Variants in PCM1 observed in about 807,000 individuals in gnomAD.
PCM1 encodes pericentriolar material 1 protein.
In PCM1, 157 loss-of-function variants were observed where a neutral mutation model predicts 241.9. The observed-to-expected ratio is 0.65, with a 90% CI of 0.57 to 0.74. The LOEUF (loss-of-function observed/expected upper bound fraction) is 0.74, where lower values mean the gene tolerates loss of function less well. Ranked by LOEUF, PCM1 falls within the 30% of genes least tolerant of loss-of-function variation. PCM1 has a pLI of 0.00. For missense variants in PCM1, 3,478 were observed against 2,360.1 expected, an observed-to-expected ratio of 1.47 and a Z score of -9.81; for synonymous variants, 1,085 against 784.9, an observed-to-expected ratio of 1.38 and a Z score of -6.39.
At chr8:17,947,991 TCAC>T (rs1563802462) in intron 7 of PCM1, among the ~76,000 whole-genome samples, 1 of 152,220 alleles carries the variant, frequency 6.6e-6, no homozygotes, top group African/African-American at 2.4e-5. Flanking sequence ...ACGTTTATCA[TCAC>T]CTTCAAACTT....
rs2094378114 is a variant in PCM1 at position 18,028,737 on chromosome 8, A to T, written c.*1075A>T. The T allele has an allele frequency of 1.0e-5, 2 of 197,908 alleles. No individual in the cohort carries two copies. The highest frequency in any genetic ancestry group is 1.0e-5 in the Non-Finnish European group (1 of 95,474). The allele number at this position is 197,908 out of a possible 1,614,324, so 12.3% of individuals were successfully genotyped here. On this transcript the variant is annotated 3_prime_UTR_variant, in exon 39 of 39. Transcript: ENST00000325083. ...AAACCAGTCAACAATGAGTAAGTCAATCTTATAGATTCTTCTTCCTCGAAT... is the reference window on the plus strand; with the variant it reads ...AAACCAGTCAACAATGAGTAAGTCATTCTTATAGATTCTTCTTCCTCGAAT...
Position 17,972,471 on chromosome 8 carries a change from C to G in PCM1, c.3727C>G (p.Gln1243Glu). 6.2e-7 allele frequency: 1 copy of G among 1,613,622 alleles called. No individual in the cohort carries two copies. The highest frequency in any genetic ancestry group is 8.5e-7 in the Non-Finnish European group (1 of 1,179,730). Residue 1243 changes from glutamine to glutamate, a missense_variant, in exon 23 of 39, where the codon CAA becomes GAA. By Grantham distance (29) the Gln-to-Glu change is conservative. Transcript: ENST00000325083. ...ATCTACAAGTAGTAACCGCAAAAAT[C>G]AATTAGATACAAACGGAAGAAGACG... The part of the protein sequence containing the change: ...EKSTSSNRKN[Q>E]LDTNGRRRQF...
intron 36 of PCM1, among the ~76,000 whole-genome samples, chr8:18,018,779 C>T (rs1215554674): frequency 2.0e-5 from 3 of 147,904 alleles, no homozygotes; most frequent in African/African-American, 7.5e-5. Context: ...CCACTGCACT[C>T]CAGCCTGGCC....
In PCM1 at chr8:17,972,566, T is replaced by G. The variant is rs992786095; in HGVS notation, c.3822T>G (p.Thr1274=). Residue 1274 remains threonine, a synonymous_variant, in exon 23 of 39, where the codon ACT becomes ACG. Transcript: ENST00000325083. ...MPDPVDPTTV[T]KTFKTRKASA... ...ATCCAGTAGATCCAACAACAGTGAC[T>G]AAAACATTCAAGACAAGAAAAGCGT... The G allele has an allele frequency of 6.2e-7, 1 of 1,613,670 alleles. No individual in the cohort carries two copies. The highest frequency in any genetic ancestry group is 8.5e-7 in the Non-Finnish European group (1 of 1,179,690).
chr8:18,008,721 G>A (rs994649404), intron 30 of PCM1, among the ~76,000 whole-genome samples: 1 of 152,180 alleles, frequency 6.6e-6, no homozygotes, highest in Admixed American at 6.5e-5. Flanking sequence ...TCTGCCCCCT[G>A]ATCTGACTTA....
chr8:17,961,635 A>T (rs1226499224), intron 15 of PCM1, among the ~76,000 whole-genome samples: 1 of 152,106 alleles, frequency 6.6e-6, no homozygotes, highest in Non-Finnish European at 1.5e-5. Context: ...ATCTTCAGTT[A>T]GGTTGTGTTT....
intron 34 of PCM1, among the ~76,000 whole-genome samples, chr8:18,013,249 T>C (rs2092739868): frequency 6.6e-6 from 1 of 152,164 alleles, no homozygotes; most frequent in Non-Finnish European, 1.5e-5. Context: ...ATGCACTAGA[T>C]TATTCTGTTT....
chr8:17,937,848 C>G (rs2060851546), intron 4 of PCM1, among the ~76,000 whole-genome samples: 1 of 152,086 alleles, frequency 6.6e-6, no homozygotes, highest in African/African-American at 2.4e-5. Context: ...AGATATTTTA[C>G]TCTTAGATCT....
chr8:17,946,832 AGTGTGTGTGTGTGTGTGTGTGTGTGT>A (rs368892136), intron 6 of PCM1, among the ~76,000 whole-genome samples: 1 of 138,294 alleles, frequency 7.2e-6, no homozygotes. Context: ...TAGATTCTTC[AGTGTGTGTGTGTGTGTGTGTGTGTGT>A]GTGTGTGTGT....
chr8:18,000,563 C>T (rs965621558), intron 29 of PCM1, among the ~76,000 whole-genome samples: 14 of 149,016 alleles, frequency 9.4e-5, no homozygotes, highest in East Asian at 4.0e-4. Context: ...GGAGGAAATA[C>T]GATTTACCAA....
At chr8:17,947,442 A>G (rs899794714) in intron 7 of PCM1, 79 bp downstream of exon 7, 2 of 967,598 alleles carry the variant, frequency 2.1e-6, no homozygotes, top group African/African-American at 3.3e-5. Flanking sequence ...GCTGATTATT[A>G]CATAATCAGA....
At chr8:17,963,734 A>G (rs1164892879) in intron 17 of PCM1, among the ~76,000 whole-genome samples, 4 of 152,328 alleles carry the variant, frequency 2.6e-5, no homozygotes, top group African/African-American at 9.6e-5. Context: ...TAAAATGTCC[A>G]TATTTAGAAT....
At chr8:17,968,562 C>A (rs1210153421) in intron 21 of PCM1, among the ~76,000 whole-genome samples, 1 of 151,650 alleles carries the variant, frequency 6.6e-6, no homozygotes, top group Non-Finnish European at 1.5e-5. Context: ...TGAGGTGAAT[C>A]ATGAGGAGGA....
Position 17,950,603 on chromosome 8 carries a change from AT to A in PCM1, c.962-9del. On this transcript the variant is annotated splice_polypyrimidine_tract_variant and intron_variant, in intron 7 of 38. Coordinates refer to ENST00000325083, the MANE Select transcript of PCM1 (RefSeq NM_006197.4). ...TATTTACATTAATCAGTAGTTACTA[AT>A]TTCTTTCCAGTTGTTGCAGAAACTG... is the stretch of plus-strand genomic sequence containing the variant. The A allele has an allele frequency of 7.2e-7, 1 of 1,395,160 alleles. No individual in the cohort carries two copies. The highest frequency in any genetic ancestry group is 1.0e-6 in the Non-Finnish European group (1 of 989,824). The allele number at this position is 1,395,160 out of a possible 1,614,324, so 86.4% of individuals were successfully genotyped here.
At chr8:17,993,389 A>G (rs1208795739) in intron 28 of PCM1, 94 bp from the exon 29 acceptor site, 2 of 827,316 alleles carry the variant, frequency 2.4e-6, no homozygotes, top group East Asian at 6.1e-5. Context: ...GCATAAAATC[A>G]TCAAATTTAA....
intron 2 of PCM1, 120 bp downstream of exon 2, chr8:17,924,900 C>T (rs574450766): frequency 1.3e-5 from 2 of 152,334 alleles, no homozygotes; most frequent in African/African-American, 4.8e-5. Flanking sequence ...AGTAAACAAA[C>T]TTTCTGGGTT....
At chr8:17,953,686 A>T (rs2066920065) in intron 9 of PCM1, among the ~76,000 whole-genome samples, 1 of 152,216 alleles carries the variant, frequency 6.6e-6, no homozygotes, top group Non-Finnish European at 1.5e-5. Flanking sequence ...TTTTTAAAAA[A>T]TATATAAATA....
At chr8:18,010,584 T>C in intron 31 of PCM1, 25 bp from the exon 32 acceptor site, 1 of 1,555,928 alleles carries the variant, frequency 6.4e-7, no homozygotes, top group Admixed American at 1.8e-5. Context: ...GTTGCTAAAT[T>C]CTGTGTAATT....
chr8:17,989,784 A>G lies in PCM1; in HGVS notation c.4411-75A>G, dbSNP rs530396807. On this transcript the variant is annotated intron_variant, in intron 26 of 38. Transcript: ENST00000325083. ...AGTGTACAATTTTATGTAAATACTT[A>G]GTTATCTCTGTTAGATTATTAATAT... The G allele has an allele frequency of 2.1e-5, 21 of 1,000,080 alleles. No homozygotes were observed. The African/African-American group carries it at 2.9e-4, about 14-fold the overall frequency. The allele number at this position is 1,000,080 out of a possible 1,614,324, so 62.0% of individuals were successfully genotyped here. A position where few individuals can be genotyped will look rare whatever the true frequency, so the allele number is the denominator to read the frequency against.
Sources: gnomAD v4.1 joint callset for allele counts (sites outside exome capture counted in the v4.1 genomes callset) on GRCh38, gnomAD v4.1.1 for gene constraint, MANE v1.5 for transcripts, NCBI Gene and HGNC (gene_info 2026-07-23, HGNC 2026-07-21) for gene names.